Variants in SGTA observed in about 807,000 individuals in gnomAD.
SGTA encodes small glutamine-rich tetratricopeptide repeat-containing protein alpha.
Under a neutral mutation model 44.3 loss-of-function variants are expected in SGTA, and 22 were observed. The ratio of observed to expected loss-of-function variants is 0.50; its 90% CI spans 0.36 to 0.71. SGTA has a LOEUF of 0.71. Ranked by LOEUF, SGTA falls within the 30% of genes least tolerant of loss-of-function variation. The probability of loss-of-function intolerance (pLI) is 0.00; values close to 1 mark genes in which losing one functional copy is unlikely to be tolerated. For synonymous variants in SGTA, 174 were observed against 177.6 expected, an observed-to-expected ratio of 0.98 and a Z score of 0.16; for missense variants, 341 against 435.9, an observed-to-expected ratio of 0.78 and a Z score of 1.94.
At position 2,761,078 on chromosome 19, in the gene SGTA, C is replaced by T. The variant is rs774006503; in HGVS notation, c.699+382G>A. 5.3e-5 allele frequency among the ~76,000 whole-genome samples: 8 copies of T among 152,232 alleles called. No homozygotes were observed. Among genetic ancestry groups the T allele is most frequent in the Non-Finnish European group, 7.3e-5 (5 of 68,030 alleles). ...CCTTGCCTGAACCTTAGGAGGCAGA[C>T]GCTGCTGTGTTGTGATCAGTGTCTC... On this transcript the variant is annotated intron_variant, in intron 8 of 11. Coordinates refer to ENST00000221566, the MANE Select transcript of SGTA (RefSeq NM_003021.4). This position sits in a 1 kb window ranked among gnomAD's most constrained non-coding sequence, Gnocchi z 5.7.
chr19:2,772,763 AAAT>A (rs1915342693), intron 1 of SGTA, among the ~76,000 whole-genome samples: 4 of 147,254 alleles, frequency 2.7e-5, no homozygotes, highest in African/African-American at 1.1e-4. Flanking sequence ...GTGAAGGCAG[AAAT>A]GGGTGACGCG....
At chr19:2,762,701 G>A (rs1016375577) in intron 6 of SGTA, 57 bp from the exon 7 acceptor site, 11 of 1,598,328 alleles carry the variant, frequency 6.9e-6, no homozygotes, top group East Asian at 4.5e-5. Flanking sequence ...AGGAGGCCCC[G>A]CCAAAGCCCT....
chr19:2,781,275 T>C (rs1313466268), intron 1 of SGTA, among the ~76,000 whole-genome samples: 1 of 152,208 alleles, frequency 6.6e-6, no homozygotes, highest in Non-Finnish European at 1.5e-5. Flanking sequence ...AAACCTCAGC[T>C]CAAATCCTTG....
rs1417419660 is a variant in SGTA at position 2,765,633 on chromosome 19, C to T, written c.293-348G>A. ...CACCGGCCCGGGGACGGAAACTGTC[C>T]CTTTCGCTATTGCTTTTGGAAAGAG... On this transcript the variant is annotated intron_variant, in intron 4 of 11. Transcript: ENST00000221566. The surrounding 1 kb of genome is among the most constrained non-coding windows in gnomAD (Gnocchi z 5.5). Among the ~76,000 whole-genome samples, 2 of 152,188 alleles carry T rather than the reference C, an allele frequency of 1.3e-5. No homozygotes were observed. The highest frequency in any genetic ancestry group is 4.8e-5 in the African/African-American group (2 of 41,442).
Position 2,767,164 on chromosome 19 carries a change from T to G in SGTA, c.264A>C (p.Ser88=), listed in dbSNP as rs1237768441. 1.2e-6 allele frequency: 2 copies of G among 1,612,784 alleles called. No individual in the cohort carries two copies. Among genetic ancestry groups the G allele is most frequent in the Admixed American group, 3.3e-5 (2 of 59,890 alleles). The change falls in exon 4 of 12, where the codon TCA becomes TCC. Residue 88 remains serine (S), a synonymous_variant. Transcript: ENST00000221566. The surrounding 1 kb of genome is among the most constrained non-coding windows in gnomAD (Gnocchi z 7.3). ...PARTPPSEED[S]AEAERLKTEG... is the part of the protein sequence containing the mutation. ...CGGTTTTGAGGCGCTCTGCCTCTGCTGAGTCCTCCTCGGAAGGCGGGGTTC... is the reference window on the plus strand; with the variant it reads ...CGGTTTTGAGGCGCTCTGCCTCTGCGGAGTCCTCCTCGGAAGGCGGGGTTC...
intron 8 of SGTA, chr19:2,759,613 T>C (rs950105714): frequency 1.1e-5 from 4 of 364,586 alleles, no homozygotes; most frequent in Non-Finnish European, 2.0e-5. Context: ...TTAGCTGCTG[T>C]CTGCTTTAGC....
chr19:2,762,686 G>C (rs1568308508), intron 6 of SGTA, 42 bp from the exon 7 acceptor site: 1 of 1,607,338 alleles, frequency 6.2e-7, no homozygotes, highest in Middle Eastern at 1.7e-4. Context: ...CATCTGCCCA[G>C]CTCCAGGAGG....
At chr19:2,777,134 C>A (rs10423038) in intron 1 of SGTA, among the ~76,000 whole-genome samples, 2,655 of 151,684 alleles carry the variant, frequency 0.018, 127 homozygotes, top group African/African-American at 0.062. Context: ...GCCTGTAATC[C>A]CAGCTACTTG....
Position 2,763,721 on chromosome 19 carries a change from G to A in SGTA, c.429C>T (p.Gly143=), listed in dbSNP as rs150298044. The change falls in exon 6 of 12, where the codon GGC becomes GGT. Residue 143 remains glycine (G), a synonymous_variant. Transcript: ENST00000221566. The surrounding 1 kb of genome is among the most constrained non-coding windows in gnomAD (Gnocchi z 5.8). ...TGGCCCGCTCACAGTCCTGCACCGCGCCTGCGTAGTTGCCGAGTTTGCTGT... is the reference window on the plus strand; with the variant it reads ...TGGCCCGCTCACAGTCCTGCACCGCACCTGCGTAGTTGCCGAGTTTGCTGT... The part of the protein sequence containing the change: ...AAYSKLGNYA[G]AVQDCERAIC... The A allele has an allele frequency of 2.0e-5, 32 of 1,613,690 alleles. No individual in the cohort carries two copies. Among genetic ancestry groups the A allele is most frequent in the African/African-American group, 8.0e-5 (6 of 74,934 alleles).
intron 5 of SGTA, among the ~76,000 whole-genome samples, chr19:2,764,578 T>C (rs1915086735): frequency 6.6e-6 from 1 of 151,778 alleles, no homozygotes; most frequent in African/African-American, 2.4e-5. Flanking sequence ...TTGTGGTTTT[T>C]TTCGGGGTTT....
At chr19:2,759,147 G>T in intron 9 of SGTA, 110 bp downstream of exon 9, 1 of 949,808 alleles carries the variant, frequency 1.1e-6, no homozygotes, top group Non-Finnish European at 1.7e-6. Context: ...AGTCCTTAAT[G>T]CCATTAAGTT....
intron 1 of SGTA, among the ~76,000 whole-genome samples, chr19:2,783,022 C>T (rs1320315401): frequency 1.3e-5 from 2 of 152,256 alleles, no homozygotes; most frequent in Non-Finnish European, 2.9e-5. Flanking sequence ...TTTCCAGGAC[C>T]TGGGGCCTGG....
chr19:2,780,002 T>C (rs1292942845), intron 1 of SGTA, among the ~76,000 whole-genome samples: 3 of 151,948 alleles, frequency 2.0e-5, no homozygotes, highest in South Asian at 2.1e-4. Flanking sequence ...GGCGAGAGGA[T>C]TGTTTAAGCC....
chr19:2,757,646 T>C (rs1419414489), intron 10 of SGTA, 47 bp downstream of exon 10: 3 of 1,484,496 alleles, frequency 2.0e-6, no homozygotes, highest in Non-Finnish European at 2.7e-6. Flanking sequence ...CTGCGAGCCC[T>C]GCCCGCCGCC....
At chr19:2,782,807 T>G (rs933158331) in intron 1 of SGTA, 1 of 152,180 alleles carries the variant, frequency 6.6e-6, no homozygotes, top group Non-Finnish European at 1.5e-5. Flanking sequence ...GCCAAGAGGC[T>G]GGGCAAGGTC....
At position 2,767,473 on chromosome 19, in the gene SGTA, G is replaced by A; in HGVS notation, c.207+107C>T. On this transcript the variant is annotated intron_variant, in intron 3 of 11. Coordinates refer to ENST00000221566, the MANE Select transcript of SGTA (RefSeq NM_003021.4). This position sits in a 1 kb window ranked among gnomAD's most constrained non-coding sequence, Gnocchi z 7.3. ...GTCCCCAGCCCAGGAGAGGATGCAG[G>A]CAGAGTGCTGGGGGACGATGAGAGC... 1.1e-6 allele frequency: 1 copy of A among 948,712 alleles called. No homozygotes were observed. Among genetic ancestry groups the A allele is most frequent in the Non-Finnish European group, 1.7e-6 (1 of 603,726 alleles). 58.8% of individuals were successfully genotyped at this position (948,712 alleles called of 1,614,324 possible).
chr19:2,771,532 T>C (rs945223189), intron 1 of SGTA, among the ~76,000 whole-genome samples: 2 of 151,416 alleles, frequency 1.3e-5, no homozygotes, highest in Non-Finnish European at 2.9e-5. Flanking sequence ...TGAGCCTCAG[T>C]TTCCTCTTCT....
Position 2,755,531 on chromosome 19 carries a change from A to G in SGTA, c.*409T>C, listed in dbSNP as rs1309237055. ...CACAGACGGGAGAGTTCCTGCAGAC[A>G]GACCACGGGATGGGGGGCGGGGGCT... On this transcript the variant is annotated 3_prime_UTR_variant, in exon 12 of 12. Coordinates refer to ENST00000221566, the MANE Select transcript of SGTA (RefSeq NM_003021.4). The surrounding 1 kb of genome is among the most constrained non-coding windows in gnomAD (Gnocchi z 5.2). 35 of 986,224 alleles carry G rather than the reference A, an allele frequency of 3.5e-5. No homozygotes were observed. The highest frequency in any genetic ancestry group is 4.1e-5 in the Non-Finnish European group (34 of 830,014). The allele number at this position is 986,224 out of a possible 1,614,324, so 61.1% of individuals were successfully genotyped here.
intron 1 of SGTA, among the ~76,000 whole-genome samples, chr19:2,781,853 TTTA>T (rs1168497665): frequency 2.0e-5 from 3 of 150,722 alleles, no homozygotes; most frequent in Non-Finnish European, 3.0e-5. Flanking sequence ...ATTTTTTTTT[TTTA>T]TTTTTGACAG....
Sources: gnomAD v4.1 joint callset for allele counts (sites outside exome capture counted in the v4.1 genomes callset) on GRCh38, gnomAD v4.1.1 for gene constraint, Gnocchi (gnomAD v3.1) non-coding constraint, MANE v1.5 for transcripts, NCBI Gene and HGNC (gene_info 2026-07-23, HGNC 2026-07-21) for gene names.